The following ZNF532 variants were observed in gnomAD, a reference collection of about 807,000 sequenced individuals.
ZNF532 encodes zinc finger protein 532.
A neutral mutation model predicts 89.3 loss-of-function variants in ZNF532; 22 were observed. The ratio of observed to expected loss-of-function variants is 0.25; its 90% CI spans 0.18 to 0.35. The LOEUF is 0.35. ZNF532 is among the 10% of genes least tolerant of loss of function. The pLI is 1.00. For missense variants in ZNF532, 1,132 were observed against 1,643.4 expected (o/e 0.69, Z 5.38); for synonymous variants, 606 against 649.6 (o/e 0.93, Z 1.02).
At chr18:58,960,173 A>C (rs1322092237) in intron 7 of ZNF532, among the ~76,000 whole-genome samples, 1 of 152,158 alleles carries the variant, frequency 6.6e-6, no homozygotes, top group Non-Finnish European at 1.5e-5. Flanking sequence ...TCCTGACCTC[A>C]AGTGGGATTA....
chr18:58,956,722 G>A (rs566997849), intron 7 of ZNF532, among the ~76,000 whole-genome samples: 2 of 152,198 alleles, frequency 1.3e-5, no homozygotes, highest in South Asian at 2.1e-4. Context: ...TTGTTAAGTC[G>A]TTGGATGTGT....
chr18:58,920,349 G>C lies in ZNF532; in HGVS notation c.2062G>C (p.Asp688His). The change falls in exon 3 of 10, where the codon GAT becomes CAT. Residue 688 changes from aspartate to histidine, a missense_variant. Coordinates refer to ENST00000591808, the MANE Select transcript of ZNF532 (RefSeq NM_001375912.1). ...SHLILKPVPA[D>H]QMIVSPSSNT... Reference sequence around the variant, plus strand: ...CTTAATTTTAAAGCCAGTCCCAGCAGATCAAATGATAGTTTCTCCGTCAAG... The same window carrying C: ...CTTAATTTTAAAGCCAGTCCCAGCACATCAAATGATAGTTTCTCCGTCAAG... The C allele has an allele frequency of 6.2e-7, 1 of 1,614,000 alleles. No homozygotes were observed. The highest frequency in any genetic ancestry group is 1.1e-5 in the South Asian group (1 of 91,080).
intron 8 of ZNF532, chr18:58,981,201 A>G (rs79948736): frequency 4.4e-5 from 19 of 434,010 alleles, no homozygotes; most frequent in Middle Eastern, 6.7e-4. Context: ...TGTGTTCAGC[A>G]TGGTGCTCAT....
intron 2 of ZNF532, among the ~76,000 whole-genome samples, chr18:58,905,457 A>G (rs1364032071): frequency 6.7e-6 from 1 of 149,578 alleles, no homozygotes; most frequent in Non-Finnish European, 1.5e-5. Context: ...CTGAAGTGCA[A>G]TGGCACAAAC....
At chr18:58,912,133 C>T (rs1164928394) in intron 2 of ZNF532, among the ~76,000 whole-genome samples, 1 of 152,162 alleles carries the variant, frequency 6.6e-6, no homozygotes, top group Non-Finnish European at 1.5e-5. Context: ...AGGTCGTGAC[C>T]TGGTTCGTGG....
intron 6 of ZNF532, among the ~76,000 whole-genome samples, chr18:58,949,335 A>T (rs1395362522): frequency 6.6e-6 from 1 of 152,158 alleles, no homozygotes; most frequent in African/African-American, 2.4e-5. Flanking sequence ...CTTACTTTTT[A>T]AACAGAGAAA....
intron 2 of ZNF532, among the ~76,000 whole-genome samples, chr18:58,880,317 G>C (rs992912519): frequency 6.6e-6 from 1 of 152,176 alleles, no homozygotes; most frequent in Non-Finnish European, 1.5e-5. Context: ...TGAGATCTAA[G>C]TCGTTAGGCC....
Position 58,890,856 on chromosome 18 carries a change from C to G in ZNF532, c.-18+25277C>G, listed in dbSNP as rs73439918. ...TTCCTTTTTTTTTTTCCTTCTTAAA[C>G]TATTTTTTTAGATATGGGGCCTCTG... is the stretch of plus-strand genomic sequence containing the variant. On this transcript the variant is annotated intron_variant, in intron 2 of 9. Transcript: ENST00000591808. 4.2e-3 allele frequency among the ~76,000 whole-genome samples: 622 copies of G among 149,726 alleles called. 1 individual carries two copies. The highest frequency in any genetic ancestry group is 0.011 in the African/African-American group (450 of 40,734).
chr18:58,884,716 C>T (rs1329559704), intron 2 of ZNF532, among the ~76,000 whole-genome samples: 1 of 152,170 alleles, frequency 6.6e-6, no homozygotes, highest in Non-Finnish European at 1.5e-5. Context: ...AGTATTCACA[C>T]AGATAAGTAA....
intron 3 of ZNF532, among the ~76,000 whole-genome samples, chr18:58,924,003 C>T (rs1476361497): frequency 1.3e-5 from 2 of 152,124 alleles, no homozygotes; most frequent in East Asian, 1.9e-4. Context: ...ATTACAGGCA[C>T]ACATCACCGC....
intron 2 of ZNF532, among the ~76,000 whole-genome samples, chr18:58,907,325 A>T (rs2059992490): frequency 6.6e-6 from 1 of 152,050 alleles, no homozygotes; most frequent in South Asian, 2.1e-4. Context: ...AGCTGGGATT[A>T]CAGACGCGTG....
intron 2 of ZNF532, among the ~76,000 whole-genome samples, chr18:58,888,745 A>ATATAATT (rs2058540438): frequency 2.1e-5 from 1 of 47,122 alleles, no homozygotes; most frequent in African/African-American, 1.2e-4. Context: ...TATATATTTT[A>ATATAATT]TATATATATA....
chr18:58,929,600 G>GT, intron 3 of ZNF532, among the ~76,000 whole-genome samples: 1 of 152,308 alleles, frequency 6.6e-6, no homozygotes, highest in South Asian at 2.1e-4. Flanking sequence ...CCAACCTTCA[G>GT]TTTACCCGTA....
chr18:58,931,483 A>T (rs1202811203), intron 3 of ZNF532, among the ~76,000 whole-genome samples: 1 of 152,198 alleles, frequency 6.6e-6, no homozygotes, highest in Non-Finnish European at 1.5e-5. Flanking sequence ...CACCACTATC[A>T]TGGGAAACAG....
intron 2 of ZNF532, among the ~76,000 whole-genome samples, chr18:58,898,352 T>C (rs972971420): frequency 2.0e-5 from 3 of 152,206 alleles, no homozygotes; most frequent in Non-Finnish European, 4.4e-5. Flanking sequence ...CTTTAATGTA[T>C]GTAGGGCCTG....
At chr18:58,872,055 G>A (rs1297360658) in intron 2 of ZNF532, among the ~76,000 whole-genome samples, 2 of 152,190 alleles carry the variant, frequency 1.3e-5, no homozygotes, top group African/African-American at 4.8e-5. Context: ...TTTATAATGA[G>A]GGAGAGCAAA....
chr18:58,880,176 G>A (rs972079987), intron 2 of ZNF532, among the ~76,000 whole-genome samples: 1 of 152,184 alleles, frequency 6.6e-6, no homozygotes, highest in Non-Finnish European at 1.5e-5. Context: ...GAGCATAGCT[G>A]TCTGGCTCGA....
intron 7 of ZNF532, among the ~76,000 whole-genome samples, chr18:58,971,997 A>G (rs2066518633): frequency 6.6e-6 from 1 of 152,224 alleles, no homozygotes; most frequent in Admixed American, 6.5e-5. Context: ...TGAGGTAAGA[A>G]GTTTGAGACC....
chr18:58,894,963 T>C (rs1812592777), intron 2 of ZNF532, among the ~76,000 whole-genome samples: 2 of 152,118 alleles, frequency 1.3e-5, no homozygotes, highest in Non-Finnish European at 2.9e-5. Context: ...TCTCTGTAGT[T>C]TAGAAGAAAA....
Sources: gnomAD v4.1 joint callset for allele counts (sites outside exome capture counted in the v4.1 genomes callset) on GRCh38, gnomAD v4.1.1 for gene constraint, MANE v1.5 for transcripts, NCBI Gene and HGNC (gene_info 2026-07-23, HGNC 2026-07-21) for gene names.